Variants in GRID2 observed in about 807,000 individuals in gnomAD.
The protein encoded by GRID2 is glutamate ionotropic receptor delta type subunit 2, also known as glutamate receptor ionotropic, delta-2.
GRID2 carries 33 observed loss-of-function variants against 114.8 expected under a neutral mutation model. The observed-to-expected ratio is 0.29, with a 90% CI of 0.22 to 0.38. GRID2 has a LOEUF of 0.38. GRID2 is among the 10% of genes least tolerant of loss of function. The pLI, the probability that GRID2 is intolerant of heterozygous loss-of-function variation, is 1.00. For synonymous variants in GRID2, 505 were observed against 449.9 expected (o/e 1.12, Z -1.55); for missense variants, 1,184 against 1,257.7 (o/e 0.94, Z 0.89).
At chr4:93,672,486 T>A (rs1724515916) in intron 14 of GRID2, among the ~76,000 whole-genome samples, 1 of 152,264 alleles carries the variant, frequency 6.6e-6, no homozygotes. Context: ...TTTGATAGTT[T>A]GACTTAAATA....
chr4:93,368,796 C>T (rs966717108), intron 8 of GRID2, among the ~76,000 whole-genome samples: 2 of 152,060 alleles, frequency 1.3e-5, no homozygotes, highest in Admixed American at 6.6e-5. Context: ...ATAAGTCACA[C>T]CTGCAAAAGG....
At chr4:92,402,044 G>A (rs905058411) in intron 1 of GRID2, among the ~76,000 whole-genome samples, 8 of 152,088 alleles carry the variant, frequency 5.3e-5, no homozygotes, top group African/African-American at 1.7e-4. Flanking sequence ...TCTTCACTAG[G>A]AATTGTCTCT....
chr4:93,452,002 C>T (rs1346684942), intron 10 of GRID2, among the ~76,000 whole-genome samples: 1 of 152,096 alleles, frequency 6.6e-6, no homozygotes, highest in Non-Finnish European at 1.5e-5. Context: ...GATCCCAGAG[C>T]TCAGATACAC....
intron 1 of GRID2, among the ~76,000 whole-genome samples, chr4:92,568,414 T>A (rs184123645): frequency 2.0e-5 from 3 of 152,078 alleles, no homozygotes; most frequent in African/African-American, 7.2e-5. Context: ...TGTCTCCCCA[T>A]GGTTTCTCTC....
intron 4 of GRID2, among the ~76,000 whole-genome samples, chr4:93,171,465 C>A (rs779869077): frequency 5.9e-5 from 9 of 152,188 alleles, no homozygotes; most frequent in Non-Finnish European, 8.8e-5. Context: ...AAGAAATTAT[C>A]CTCATCTAAC....
At chr4:93,595,403 A>G (rs1245576704) in intron 13 of GRID2, among the ~76,000 whole-genome samples, 1 of 152,212 alleles carries the variant, frequency 6.6e-6, no homozygotes, top group Non-Finnish European at 1.5e-5. Context: ...AGCCAAACCC[A>G]GCCCTGTATT....
At chr4:93,153,076 C>G (rs1042014816) in intron 4 of GRID2, among the ~76,000 whole-genome samples, 2 of 152,020 alleles carry the variant, frequency 1.3e-5, no homozygotes, top group Non-Finnish European at 2.9e-5. Flanking sequence ...ATTGAATATT[C>G]TTTGAATAGT....
chr4:93,518,082 T>C (rs112870294), intron 13 of GRID2, among the ~76,000 whole-genome samples: 4,484 of 147,656 alleles, frequency 0.03, 219 homozygotes, highest in African/African-American at 0.1. Context: ...CATATATATA[T>C]ACACACACTA....
At chr4:92,394,319 T>A in intron 1 of GRID2, among the ~76,000 whole-genome samples, 1 of 152,238 alleles carries the variant, frequency 6.6e-6, no homozygotes, top group Admixed American at 6.5e-5. Flanking sequence ...TCACTGATTT[T>A]ATTTGAAATG....
chr4:93,617,238 A>G (rs1741771452), intron 13 of GRID2, among the ~76,000 whole-genome samples: 1 of 152,198 alleles, frequency 6.6e-6, no homozygotes, highest in Admixed American at 6.5e-5. Context: ...AGTAATGAGG[A>G]AAAGTAGCTT....
intron 1 of GRID2, among the ~76,000 whole-genome samples, chr4:92,584,772 A>T (rs1335844204): frequency 2.0e-5 from 3 of 152,040 alleles, no homozygotes; most frequent in Non-Finnish European, 4.4e-5. Flanking sequence ...ATAAAAAAAA[A>T]TGCTTAAAGT....
At chr4:93,608,528 T>G (rs1432290379) in intron 13 of GRID2, among the ~76,000 whole-genome samples, 2 of 146,716 alleles carry the variant, frequency 1.4e-5, no homozygotes, top group Admixed American at 6.8e-5. Flanking sequence ...GATCTCATTG[T>G]TAAATTCCCA....
chr4:92,541,639 A>T (rs1725963331), intron 1 of GRID2, among the ~76,000 whole-genome samples: 1 of 152,140 alleles, frequency 6.6e-6, no homozygotes, highest in African/African-American at 2.4e-5. Context: ...CATTTAAAAC[A>T]TGTATAATTA....
intron 1 of GRID2, among the ~76,000 whole-genome samples, chr4:92,323,612 G>T (rs980238944): frequency 6.6e-6 from 1 of 152,082 alleles, no homozygotes; most frequent in African/African-American, 2.4e-5. Context: ...GGCATCCCAG[G>T]TTTTTTGTGG....
At chr4:93,273,340 G>A (rs1242928670) in intron 8 of GRID2, among the ~76,000 whole-genome samples, 1 of 152,056 alleles carries the variant, frequency 6.6e-6, no homozygotes, top group African/African-American at 2.4e-5. Context: ...AAAAGCTAAG[G>A]AAAATATCTG....
At chr4:93,456,488 T>C (rs1174045441) in intron 11 of GRID2, among the ~76,000 whole-genome samples, 3 of 152,204 alleles carry the variant, frequency 2.0e-5, no homozygotes, top group South Asian at 4.1e-4. Context: ...TATGTAATCT[T>C]TACTGGTGAT....
intron 8 of GRID2, among the ~76,000 whole-genome samples, chr4:93,250,366 G>T (rs1330915277): frequency 2.0e-5 from 3 of 151,714 alleles, no homozygotes; most frequent in African/African-American, 7.3e-5. Flanking sequence ...GCTGTGTGGG[G>T]GATAGCATTA....
chr4:93,111,660 T>G (rs1251857306), intron 4 of GRID2, among the ~76,000 whole-genome samples: 2 of 152,128 alleles, frequency 1.3e-5, no homozygotes, highest in African/African-American at 4.8e-5. Context: ...TAATGTTACA[T>G]AGTGATAGAA....
intron 3 of GRID2, among the ~76,000 whole-genome samples, chr4:93,089,470 A>T (rs1264364590): frequency 1.3e-5 from 2 of 152,116 alleles, no homozygotes; most frequent in East Asian, 3.9e-4. Context: ...CCTCAAATAA[A>T]TCATTTTTTT....
Sources: allele counts gnomAD v4.1 joint callset (sites outside exome capture counted in the v4.1 genomes callset), GRCh38; gene constraint gnomAD v4.1.1; transcripts MANE v1.5; gene names NCBI Gene and HGNC (gene_info 2026-07-23, HGNC 2026-07-21).